The following SPTBN1 variants were observed in gnomAD, a reference collection of about 807,000 sequenced individuals.
The protein encoded by SPTBN1 is spectrin beta, non-erythrocytic 1.
SPTBN1 carries 32 observed loss-of-function variants against 266.4 expected under a neutral mutation model. The observed-to-expected ratio is 0.12, with a 90% CI of 0.09 to 0.16. The LOEUF is 0.16. Ranked by LOEUF, SPTBN1 falls within the 10% of genes least tolerant of loss-of-function variation. The pLI is 1.00. For synonymous variants in SPTBN1, 1,336 were observed against 1,162.2 expected (o/e 1.15, Z -3.04); for missense variants, 2,296 against 3,067.1 (o/e 0.75, Z 5.94).
chr2:54,650,851 A>G (rs919833789), intron 26 of SPTBN1, among the ~76,000 whole-genome samples: 5 of 152,350 alleles, frequency 3.3e-5, no homozygotes, highest in Admixed American at 3.3e-4. Context: ...GGCCACCCAG[A>G]TATGGCCTTG....
chr2:54,625,006 C>G, intron 11 of SPTBN1, 44 bp downstream of exon 11: 2 of 1,529,128 alleles, frequency 1.3e-6, no homozygotes, highest in Non-Finnish European at 1.8e-6. Context: ...CTAGGGTAAT[C>G]TAGAAACACA....
chr2:54,463,884 A>G (rs1693497608), intron 1 of SPTBN1, among the ~76,000 whole-genome samples: 1 of 152,260 alleles, frequency 6.6e-6, no homozygotes, highest in African/African-American at 2.4e-5. Flanking sequence ...TTAAACAAAC[A>G]ATAAAATGCT....
intron 1 of SPTBN1, among the ~76,000 whole-genome samples, chr2:54,463,401 A>G (rs1693466740): frequency 6.6e-6 from 1 of 152,262 alleles, no homozygotes; most frequent in Admixed American, 6.5e-5. Context: ...AGGTTCCAGC[A>G]CAATCCTCAG....
chr2:54,530,356 T>TTTTTTC (rs1671150075), intron 2 of SPTBN1, among the ~76,000 whole-genome samples: 1 of 93,108 alleles, frequency 1.1e-5, no homozygotes, highest in Non-Finnish European at 1.9e-5. Context: ...TAAAAAACTT[T>TTTTTTC]TTTTTTTTTT....
intron 2 of SPTBN1, chr2:54,527,693 C>G (rs1025718464): frequency 5.3e-5 from 8 of 152,210 alleles, no homozygotes; most frequent in African/African-American, 1.7e-4. Context: ...AGATGGCTGC[C>G]CCAGGTCCCT....
chr2:54,594,574 C>T (rs994512396), intron 2 of SPTBN1, among the ~76,000 whole-genome samples: 3 of 152,030 alleles, frequency 2.0e-5, no homozygotes, highest in African/African-American at 7.3e-5. Context: ...TACGGAAGGA[C>T]GACTGTGCCT....
chr2:54,597,660 C>T (rs116453749), intron 2 of SPTBN1, among the ~76,000 whole-genome samples: 2,271 of 152,264 alleles, frequency 0.015, 18 homozygotes, highest in Non-Finnish European at 0.019. Flanking sequence ...GCCTCATTCC[C>T]TCCCTGTGGT....
At chr2:54,542,245 T>TAG (rs1671980426) in intron 2 of SPTBN1, among the ~76,000 whole-genome samples, 1 of 152,182 alleles carries the variant, frequency 6.6e-6, no homozygotes, top group Non-Finnish European at 1.5e-5. Context: ...TTGTTGTCAG[T>TAG]AGATGAAAGG....
At chr2:54,577,086 G>A (rs1331978332) in intron 2 of SPTBN1, among the ~76,000 whole-genome samples, 1 of 152,064 alleles carries the variant, frequency 6.6e-6, no homozygotes, top group Non-Finnish European at 1.5e-5. Flanking sequence ...ATTTGTTAAT[G>A]CTTATTATTA....
intron 2 of SPTBN1, among the ~76,000 whole-genome samples, chr2:54,569,667 C>G (rs554785957): frequency 7.7e-4 from 117 of 152,272 alleles, no homozygotes; most frequent in African/African-American, 2.7e-3. Flanking sequence ...ACTTACCAGT[C>G]TGAGAGCCTG....
chr2:54,597,983 TA>T (rs1676214501), intron 2 of SPTBN1, among the ~76,000 whole-genome samples: 1 of 150,374 alleles, frequency 6.7e-6, no homozygotes, highest in African/African-American at 2.4e-5. Flanking sequence ...GAACTAGATA[TA>T]GTGTATGTAA....
chr2:54,511,121 T>C (rs1262959425), intron 1 of SPTBN1, among the ~76,000 whole-genome samples: 1 of 152,232 alleles, frequency 6.6e-6, no homozygotes, highest in Non-Finnish European at 1.5e-5. Flanking sequence ...CTATGATAAA[T>C]GCACTGTAAA....
At chr2:54,605,700 A>C (rs1676787534) in intron 3 of SPTBN1, among the ~76,000 whole-genome samples, 2 of 152,178 alleles carry the variant, frequency 1.3e-5, no homozygotes, top group African/African-American at 4.8e-5. Context: ...TGAGAAGCCT[A>C]CTCTGAAGCA....
At position 54,643,279 on chromosome 2, in the gene SPTBN1, G is replaced by A. The variant is rs1227442706; in HGVS notation, c.4005+150G>A. 1.1e-5 allele frequency: 13 copies of A among 1,224,138 alleles called. No homozygotes were observed. The East Asian group carries it at 1.1e-4, about 10-fold the overall frequency. 75.8% of individuals were successfully genotyped at this position (1,224,138 alleles called of 1,614,324 possible). On this transcript the variant is annotated intron_variant, in intron 19 of 35. Coordinates refer to ENST00000356805, the MANE Select transcript of SPTBN1 (RefSeq NM_003128.3). ...CAGTAATAGCTCCCTTTGCACGTAC[G>A]GGTTCCTGACTTCAACCCATCAAAA...
intron 2 of SPTBN1, among the ~76,000 whole-genome samples, chr2:54,563,593 CTTTTTTTTTTTTTTT>C (rs750173696): frequency 6.2e-5 from 4 of 64,440 alleles, no homozygotes; most frequent in East Asian, 5.9e-4. Context: ...AAAATTTATT[CTTTTTTTTTTTTTTT>C]TTTTTTTTTT....
chr2:54,478,595 A>G (rs569115040), intron 1 of SPTBN1, among the ~76,000 whole-genome samples: 2 of 152,278 alleles, frequency 1.3e-5, no homozygotes, highest in South Asian at 4.1e-4. Flanking sequence ...AGCTTCACAC[A>G]AGAGTAAGGG....
chr2:54,506,503 TTGA>T, intron 1 of SPTBN1, among the ~76,000 whole-genome samples: 1 of 152,252 alleles, frequency 6.6e-6, no homozygotes, highest in South Asian at 2.1e-4. Flanking sequence ...AATTTACCAC[TTGA>T]TGAACTGAGT....
At chr2:54,617,259 GT>G (rs1677667997) in intron 5 of SPTBN1, among the ~76,000 whole-genome samples, 2 of 152,310 alleles carry the variant, frequency 1.3e-5, no homozygotes, top group Admixed American at 1.3e-4. Flanking sequence ...AGGTCCTGGT[GT>G]CTTTGTAGGT....
In SPTBN1 at chr2:54,653,239, C is replaced by T; in HGVS notation, c.5578-370C>T. ...GGCAGTTTCCCATTCATCATAAAAA[C>T]ATTTATCTTTACCCCGAGATAGCAG... On this transcript the variant is annotated intron_variant, in intron 26 of 35. Transcript: ENST00000356805. The surrounding 1 kb of genome is among the most constrained non-coding windows in gnomAD (Gnocchi z 5.1). 5.7e-6 allele frequency: 1 copy of T among 176,326 alleles called. No homozygotes were observed. Among genetic ancestry groups the T allele is most frequent in the Non-Finnish European group, 1.2e-5 (1 of 84,408 alleles). The allele number at this position is 176,326 out of a possible 1,614,324, so 10.9% of individuals were successfully genotyped here.
Sources: gnomAD v4.1 joint callset for allele counts (sites outside exome capture counted in the v4.1 genomes callset) on GRCh38, gnomAD v4.1.1 for gene constraint, Gnocchi (gnomAD v3.1) non-coding constraint, MANE v1.5 for transcripts, NCBI Gene and HGNC (gene_info 2026-07-23, HGNC 2026-07-21) for gene names.